The following DPP6 variants were observed in gnomAD, a reference collection of about 807,000 sequenced individuals.
The protein encoded by DPP6 is dipeptidyl peptidase like 6, also known as A-type potassium channel modulatory protein DPP6.
A neutral mutation model predicts 122.6 loss-of-function variants in DPP6; 69 were observed. That is an observed-to-expected ratio of 0.56 (90% CI 0.46 to 0.69). The LOEUF (loss-of-function observed/expected upper bound fraction) is 0.69, where lower values mean the gene tolerates loss of function less well. Among genes scored for constraint, DPP6 ranks in the 30% least tolerant of loss-of-function variants. DPP6 has a pLI of 0.00. For missense variants in DPP6, 928 were observed against 1,116.9 expected (o/e 0.83, Z 2.41); for synonymous variants, 418 against 433.1 (o/e 0.97, Z 0.43).
At chr7:154,236,761 T>A (rs1801242021) in intron 1 of DPP6, among the ~76,000 whole-genome samples, 1 of 152,192 alleles carries the variant, frequency 6.6e-6, no homozygotes, top group African/African-American at 2.4e-5. Context: ...CATATTAAAT[T>A]GCTTTACATC....
At chr7:154,265,099 GA>G in intron 1 of DPP6, among the ~76,000 whole-genome samples, 1 of 131,846 alleles carries the variant, frequency 7.6e-6, no homozygotes, top group African/African-American at 3.6e-5. Context: ...TGATGATGGT[GA>G]TGATAATGAT....
chr7:154,630,633 AG>A (rs1236351496), intron 5 of DPP6, among the ~76,000 whole-genome samples: 5 of 152,222 alleles, frequency 3.3e-5, no homozygotes, highest in African/African-American at 1.2e-4. Context: ...TGTCCTTTGC[AG>A]GGACATGGAT....
chr7:153,952,663 G>T (rs1340728435), intron 1 of DPP6, among the ~76,000 whole-genome samples: 1 of 152,146 alleles, frequency 6.6e-6, no homozygotes, highest in East Asian at 1.9e-4. Context: ...AGCAGAGAAA[G>T]GACTTTTTGA....
At chr7:154,868,642 G>C (rs1032879711) in intron 18 of DPP6, among the ~76,000 whole-genome samples, 2 of 152,150 alleles carry the variant, frequency 1.3e-5, no homozygotes, top group African/African-American at 4.8e-5. Context: ...TCTGTGCTAG[G>C]CGTTGCTAAG....
chr7:154,301,467 C>A (rs1563437810), intron 1 of DPP6, among the ~76,000 whole-genome samples: 1 of 152,100 alleles, frequency 6.6e-6, no homozygotes. Flanking sequence ...TAGAAATGAG[C>A]CTGTAAAGTC....
intron 1 of DPP6, among the ~76,000 whole-genome samples, chr7:154,182,326 G>A (rs1585571019): frequency 6.6e-6 from 1 of 152,144 alleles, no homozygotes; most frequent in East Asian, 1.9e-4. Flanking sequence ...CCAAGAAGAA[G>A]CGTTTATTTC....
intron 6 of DPP6, among the ~76,000 whole-genome samples, chr7:154,655,482 A>C (rs1837178475): frequency 6.6e-6 from 1 of 152,114 alleles, no homozygotes; most frequent in Non-Finnish European, 1.5e-5. Context: ...CACAGCTGCC[A>C]GGGCTGCTTT....
chr7:154,064,230 T>C (rs1315737361), intron 1 of DPP6, among the ~76,000 whole-genome samples: 3 of 152,154 alleles, frequency 2.0e-5, no homozygotes, highest in Non-Finnish European at 4.4e-5. Flanking sequence ...TGGTCTTGAT[T>C]GTTGGGGCCC....
intron 1 of DPP6, among the ~76,000 whole-genome samples, chr7:153,950,446 G>C (rs6956678): frequency 0.31 from 46,905 of 152,032 alleles, 7,600 homozygotes; most frequent in East Asian, 0.59. Flanking sequence ...TGATGAGGAG[G>C]TATGACATAA....
intron 5 of DPP6, among the ~76,000 whole-genome samples, chr7:154,608,343 T>TATATATATATATATATATATA (rs1404548976): frequency 1.3e-5 from 1 of 78,376 alleles, no homozygotes; most frequent in South Asian, 6.0e-4. Flanking sequence ...ATATATATAT[T>TATATATATATATATATATATA]TTGAGATGGA....
the DPP6 span, among the ~76,000 whole-genome samples, chr7:153,847,011 C>T: frequency 6.6e-6 from 1 of 152,022 alleles, no homozygotes; most frequent in African/African-American, 2.4e-5. Flanking sequence ...AATATTTTTT[C>T]CTCTCTATTT....
At chr7:154,334,003 A>G (rs1374364871) in intron 1 of DPP6, among the ~76,000 whole-genome samples, 1 of 152,178 alleles carries the variant, frequency 6.6e-6, no homozygotes, top group African/African-American at 2.4e-5. Context: ...TATTTTTATA[A>G]CTTAATAGTA....
At chr7:154,789,832 C>T (rs1439873232) in intron 10 of DPP6, among the ~76,000 whole-genome samples, 2 of 152,202 alleles carry the variant, frequency 1.3e-5, no homozygotes, top group Admixed American at 6.5e-5. Context: ...GCTGCTAGAA[C>T]GCCTTCAAGA....
chr7:154,058,877 C>T lies in DPP6; in HGVS notation c.243+5814C>T, dbSNP rs536369553. 18 of 146,990 alleles carry T rather than the reference C, an allele frequency of 1.2e-4. 1 individual carries two copies. The highest frequency in any genetic ancestry group is 1.1e-3 in the South Asian group (5 of 4,604). The allele number at this position is 146,990 out of a possible 1,614,324, so 9.1% of individuals were successfully genotyped here. A position where few individuals can be genotyped will look rare whatever the true frequency, so the allele number is the denominator to read the frequency against. ...TACCCCCATCGCAGGTGGGGAGGCACCCCCTACGAGAGTGGGGACTGAGAG... is the reference window on the plus strand; with the variant it reads ...TACCCCCATCGCAGGTGGGGAGGCATCCCCTACGAGAGTGGGGACTGAGAG... On this transcript the variant is annotated intron_variant, in intron 1 of 25. Transcript: ENST00000377770.
chr7:154,640,254 CA>C (rs943050482), intron 6 of DPP6, among the ~76,000 whole-genome samples: 1 of 151,780 alleles, frequency 6.6e-6, no homozygotes, highest in South Asian at 2.1e-4. Flanking sequence ...CTCTGTCAAA[CA>C]AAAACAAAAA....
chr7:154,297,832 C>T (rs1444705263), intron 1 of DPP6, among the ~76,000 whole-genome samples: 2 of 152,062 alleles, frequency 1.3e-5, no homozygotes, highest in African/African-American at 2.4e-5. Flanking sequence ...TGGGAAAAGG[C>T]GGGAAGGAGA....
intron 1 of DPP6, among the ~76,000 whole-genome samples, chr7:154,194,712 C>T (rs923179704): frequency 2.0e-5 from 3 of 152,254 alleles, no homozygotes; most frequent in African/African-American, 4.8e-5. Context: ...TTCGTTCGCA[C>T]TTGCCTAGTG....
chr7:153,935,497 G>A (rs1314121120), intron 1 of DPP6, among the ~76,000 whole-genome samples: 1 of 152,122 alleles, frequency 6.6e-6, no homozygotes, highest in African/African-American at 2.4e-5. Context: ...GGCTCAGCTG[G>A]TCTCCCTGCC....
At chr7:154,777,652 G>C (rs952886822) in intron 10 of DPP6, among the ~76,000 whole-genome samples, 1 of 152,136 alleles carries the variant, frequency 6.6e-6, no homozygotes, top group Non-Finnish European at 1.5e-5. Context: ...TAGCCAGCAC[G>C]ATCATTCTGA....
Sources: allele counts gnomAD v4.1 joint callset (sites outside exome capture counted in the v4.1 genomes callset), GRCh38; gene constraint gnomAD v4.1.1; transcripts MANE v1.5; gene names NCBI Gene and HGNC (gene_info 2026-07-23, HGNC 2026-07-21).